PCCA: variants seen among roughly 807,000 people sequenced by gnomAD.
The protein encoded by PCCA is propionyl-CoA carboxylase alpha chain, mitochondrial.
PCCA carries 74 observed loss-of-function variants against 101.3 expected under a neutral mutation model. That is an observed-to-expected ratio of 0.73 (90% CI 0.61 to 0.89). PCCA has a LOEUF of 0.89. PCCA is among the 40% of genes least tolerant of loss of function. PCCA has a pLI of 0.00. For missense variants in PCCA, 891 were observed against 907.0 expected (o/e 0.98, Z 0.23); for synonymous variants, 294 against 313.6 (o/e 0.94, Z 0.66).
intron 12 of PCCA, among the ~76,000 whole-genome samples, chr13:100,281,725 A>T (rs909598903): frequency 6.6e-6 from 1 of 152,140 alleles, no homozygotes; most frequent in African/African-American, 2.4e-5. Flanking sequence ...GGAGTATTCC[A>T]TGCCTAATTT....
At chr13:100,153,153 C>T (rs766506025) in intron 4 of PCCA, among the ~76,000 whole-genome samples, 24 of 152,036 alleles carry the variant, frequency 1.6e-4, no homozygotes, top group Non-Finnish European at 3.1e-4. Context: ...AGTTATTAAG[C>T]AAGCTGCTAT....
chr13:100,388,536 C>T (rs966451497), intron 19 of PCCA, among the ~76,000 whole-genome samples: 2 of 152,220 alleles, frequency 1.3e-5, no homozygotes, highest in African/African-American at 4.8e-5. Context: ...TGGCTCACGC[C>T]TGTAATCCCA....
At chr13:100,365,011 T>A (rs2075026159) in intron 18 of PCCA, among the ~76,000 whole-genome samples, 1 of 152,170 alleles carries the variant, frequency 6.6e-6, no homozygotes, top group Admixed American at 6.5e-5. Flanking sequence ...ATTGGGCCAC[T>A]GCACTCCAGC....
chr13:100,101,618 CTGAGGA>C (rs1412562156), intron 1 of PCCA, among the ~76,000 whole-genome samples: 5 of 151,778 alleles, frequency 3.3e-5, no homozygotes, highest in Non-Finnish European at 7.4e-5. Flanking sequence ...TTAATTTTTT[CTGAGGA>C]GTTTCGCTCT....
intron 6 of PCCA, among the ~76,000 whole-genome samples, chr13:100,185,647 CTTTT>C (rs60267730): frequency 3.7e-5 from 5 of 133,890 alleles, no homozygotes; most frequent in Non-Finnish European, 3.2e-5. Flanking sequence ...ATTTCTTTTT[CTTTT>C]TTTTTTTTTT....
At chr13:100,108,158 G>A (rs1189533721) in intron 2 of PCCA, among the ~76,000 whole-genome samples, 3 of 152,114 alleles carry the variant, frequency 2.0e-5, no homozygotes, top group Non-Finnish European at 4.4e-5. Context: ...ACCTAGGGAA[G>A]GGAAAGGAAG....
chr13:100,335,137 T>C (rs2070241170), intron 17 of PCCA, among the ~76,000 whole-genome samples: 1 of 152,202 alleles, frequency 6.6e-6, no homozygotes, highest in South Asian at 2.1e-4. Context: ...CCAGCTAAGA[T>C]ATCGTCATCA....
intron 18 of PCCA, among the ~76,000 whole-genome samples, chr13:100,367,697 G>A (rs562877650): frequency 2.2e-5 from 3 of 137,160 alleles, no homozygotes; most frequent in South Asian, 4.6e-4. Flanking sequence ...GGTGGCTCAT[G>A]CCTGTAATCC....
At position 100,262,725 on chromosome 13, in the gene PCCA, A is replaced by G. The variant is rs1046922650; in HGVS notation, c.717-4A>G. 3 of 1,385,556 alleles carry G rather than the reference A, an allele frequency of 2.2e-6. No homozygotes were observed. Among genetic ancestry groups the G allele is most frequent in the African/African-American group, 1.7e-5 (1 of 59,086 alleles). The allele number at this position is 1,385,556 out of a possible 1,614,324, so 85.8% of individuals were successfully genotyped here. A position where few individuals can be genotyped will look rare whatever the true frequency, so the allele number is the denominator to read the frequency against. The stretch of plus-strand genomic sequence containing the variant: ...CTCCTCCTTCTTCCTTCTTTTTTTC[A>G]CAGGGATGGTTTTAGATTGTCATCT... On this transcript the variant is annotated splice_polypyrimidine_tract_variant and splice_region_variant and intron_variant, in intron 9 of 23. Coordinates refer to ENST00000376285, the MANE Select transcript of PCCA (RefSeq NM_000282.4).
At chr13:100,404,717 C>T (rs1386101911) in intron 19 of PCCA, among the ~76,000 whole-genome samples, 3 of 152,134 alleles carry the variant, frequency 2.0e-5, no homozygotes, top group Admixed American at 1.3e-4. Flanking sequence ...TCAACTTGCA[C>T]CGGTGAAGCA....
At chr13:100,380,469 C>G (rs2076163961) in intron 19 of PCCA, among the ~76,000 whole-genome samples, 1 of 152,168 alleles carries the variant, frequency 6.6e-6, no homozygotes, top group Non-Finnish European at 1.5e-5. Flanking sequence ...CAGTGTAGTA[C>G]TTGCAAAATG....
At chr13:100,174,083 C>T (rs1399879111) in intron 6 of PCCA, among the ~76,000 whole-genome samples, 2 of 152,032 alleles carry the variant, frequency 1.3e-5, no homozygotes, top group African/African-American at 2.4e-5. Context: ...GGAGGATTGT[C>T]AGATACTATA....
intron 22 of PCCA, among the ~76,000 whole-genome samples, chr13:100,524,346 AT>A (rs1301661841): frequency 6.7e-6 from 1 of 148,822 alleles, no homozygotes; most frequent in African/African-American, 2.5e-5. Flanking sequence ...TTTCCAAAGG[AT>A]GAAACATGTT....
intron 1 of PCCA, among the ~76,000 whole-genome samples, chr13:100,092,839 T>C (rs1010083603): frequency 1.5e-4 from 23 of 152,250 alleles, no homozygotes; most frequent in Non-Finnish European, 2.4e-4. Context: ...GTTTCCAACA[T>C]GCTGATAAAT....
chr13:100,317,490 A>G (rs2067494686), intron 16 of PCCA, among the ~76,000 whole-genome samples: 1 of 152,092 alleles, frequency 6.6e-6, no homozygotes, highest in Non-Finnish European at 1.5e-5. Context: ...TGAATCTGCT[A>G]TTTTCCTCTC....
chr13:100,289,463 T>C (rs919640463), intron 12 of PCCA, among the ~76,000 whole-genome samples: 22 of 152,168 alleles, frequency 1.4e-4, no homozygotes, highest in Non-Finnish European at 2.8e-4. Context: ...AAAAATTTTC[T>C]AAGAACCTAA....
chr13:100,363,035 T>G (rs754103867), intron 18 of PCCA, among the ~76,000 whole-genome samples: 9 of 152,228 alleles, frequency 5.9e-5, no homozygotes, highest in Non-Finnish European at 1.3e-4. Context: ...AGACTTCTGT[T>G]TAAAATTCCT....
At chr13:100,155,332 C>G (rs1485205612) in intron 5 of PCCA, among the ~76,000 whole-genome samples, 2 of 152,328 alleles carry the variant, frequency 1.3e-5, no homozygotes, top group East Asian at 3.9e-4. Flanking sequence ...CACCAGGGAG[C>G]AGTTTCAGTT....
chr13:100,484,266 C>G (rs2084186802), intron 21 of PCCA, among the ~76,000 whole-genome samples: 1 of 152,046 alleles, frequency 6.6e-6, no homozygotes, highest in Admixed American at 6.6e-5. Flanking sequence ...GACTGTGTCC[C>G]TATTTTAAGT....
Sources: gnomAD v4.1 joint callset for allele counts (sites outside exome capture counted in the v4.1 genomes callset) on GRCh38, gnomAD v4.1.1 for gene constraint, MANE v1.5 for transcripts, NCBI Gene and HGNC (gene_info 2026-07-23, HGNC 2026-07-21) for gene names.